PDE4D: variants seen among roughly 807,000 people sequenced by gnomAD.
The protein encoded by PDE4D is phosphodiesterase 4D, also known as 3',5'-cyclic-AMP phosphodiesterase 4D.
Under a neutral mutation model 87.4 loss-of-function variants are expected in PDE4D, and 24 were observed. The observed-to-expected ratio is 0.27, with a 90% CI of 0.20 to 0.39. The LOEUF (loss-of-function observed/expected upper bound fraction) is 0.39, where lower values mean the gene tolerates loss of function less well. Among genes scored for constraint, PDE4D ranks in the 10% least tolerant of loss-of-function variants. The probability of loss-of-function intolerance (pLI) is 1.00; values close to 1 mark genes in which losing one functional copy is unlikely to be tolerated. For missense variants in PDE4D, 714 were observed against 1,041.0 expected, an observed-to-expected ratio of 0.69 and a Z score of 4.32; for synonymous variants, 384 against 383.2, an observed-to-expected ratio of 1.00 and a Z score of -0.02.
At chr5:60,062,243 TG>T (rs1771490234) in intron 2 of PDE4D, among the ~76,000 whole-genome samples, 1 of 151,788 alleles carries the variant, frequency 6.6e-6, no homozygotes, top group Non-Finnish European at 1.5e-5. Flanking sequence ...CATTAAAAAG[TG>T]GGCAAAAACA....
chr5:59,145,989 T>C (rs1778589852), intron 5 of PDE4D, among the ~76,000 whole-genome samples: 1 of 152,038 alleles, frequency 6.6e-6, no homozygotes, highest in Admixed American at 6.6e-5. Context: ...TAGCTGGGCG[T>C]GATGACATAC....
At chr5:59,650,235 G>A (rs982461711) in intron 1 of PDE4D, among the ~76,000 whole-genome samples, 10 of 151,788 alleles carry the variant, frequency 6.6e-5, no homozygotes, top group African/African-American at 1.9e-4. Flanking sequence ...AAATTAGAGG[G>A]GTGGTTCAAT....
chr5:60,127,669 C>T (rs928823123), intron 2 of PDE4D: 8 of 594,694 alleles, frequency 1.3e-5, no homozygotes, highest in Middle Eastern at 2.6e-4. Flanking sequence ...AAAATCAGGT[C>T]GCAGTAAGCA....
At chr5:59,536,186 T>C (rs1232776040) in intron 1 of PDE4D, among the ~76,000 whole-genome samples, 3 of 152,080 alleles carry the variant, frequency 2.0e-5, no homozygotes, top group Non-Finnish European at 4.4e-5. Flanking sequence ...CAAATACACA[T>C]GAAGTTCTAT....
At position 59,988,567 on chromosome 5, in the gene PDE4D, A is replaced by G. The variant is rs1314324091; in HGVS notation, c.193T>C (p.Ser65Pro). Residue 65 changes from serine (S) to proline (P), a missense_variant, in exon 3 of 17, where the codon TCA becomes CCA. By Grantham distance (74) the Ser-to-Pro change is moderately conservative. Transcript: ENST00000502484. ...CTGGTTGGTCGTTGAATGTTCTCTG[A>G]TTCACTTTTCAAGTCAGCTTGTTCC... 5 of 1,599,446 alleles carry G rather than the reference A, an allele frequency of 3.1e-6. No homozygotes were observed. The Admixed American group carries it at 8.3e-5, about 27-fold the overall frequency.
chr5:59,380,113 T>C (rs1025762557), intron 1 of PDE4D, among the ~76,000 whole-genome samples: 5 of 152,142 alleles, frequency 3.3e-5, no homozygotes, highest in Non-Finnish European at 7.4e-5. Flanking sequence ...AAATAAAACT[T>C]TCAAATTAGT....
chr5:59,899,247 G>A (rs907592649), intron 3 of PDE4D, among the ~76,000 whole-genome samples: 5 of 152,006 alleles, frequency 3.3e-5, no homozygotes, highest in African/African-American at 7.2e-5. Context: ...AGAATAGCCC[G>A]TTGGACTCTT....
chr5:59,294,228 G>C (rs1034378632), intron 1 of PDE4D, among the ~76,000 whole-genome samples: 1 of 152,062 alleles, frequency 6.6e-6, no homozygotes. Flanking sequence ...TTAAGGGAAT[G>C]AAGAGTAAAA....
chr5:60,499,291 G>T (rs1359007640), intron 1 of PDE4D, among the ~76,000 whole-genome samples: 4 of 152,126 alleles, frequency 2.6e-5, no homozygotes, highest in African/African-American at 9.7e-5. Flanking sequence ...ACTTTCCAAG[G>T]TGCTTCTTTT....
At chr5:59,646,549 T>C (rs992114904) in intron 1 of PDE4D, among the ~76,000 whole-genome samples, 2 of 152,206 alleles carry the variant, frequency 1.3e-5, no homozygotes, top group African/African-American at 4.8e-5. Flanking sequence ...TAATTTGCCT[T>C]GTAAGTGTTG....
At chr5:59,732,943 T>C (rs976920284) in intron 1 of PDE4D, among the ~76,000 whole-genome samples, 8 of 121,894 alleles carry the variant, frequency 6.6e-5, no homozygotes, top group African/African-American at 2.4e-4. Flanking sequence ...GTCAATTCCA[T>C]GGGCCCAGTG....
At chr5:59,536,611 C>G (rs1202134394) in intron 1 of PDE4D, among the ~76,000 whole-genome samples, 1 of 151,022 alleles carries the variant, frequency 6.6e-6, no homozygotes, top group African/African-American at 2.4e-5. Context: ...GAAGTCTTAG[C>G]TCTATGCATT....
chr5:59,567,086 T>C (rs1225290924), intron 1 of PDE4D, among the ~76,000 whole-genome samples: 1 of 152,220 alleles, frequency 6.6e-6, no homozygotes, highest in African/African-American at 2.4e-5. Flanking sequence ...ATATGAACTA[T>C]TTTATGCAAG....
chr5:60,239,305 C>T (rs2149651890), intron 1 of PDE4D, among the ~76,000 whole-genome samples: 1 of 152,224 alleles, frequency 6.6e-6, no homozygotes, highest in South Asian at 2.1e-4. Context: ...TTTATTGCTG[C>T]TCCAATATCC....
intron 1 of PDE4D, among the ~76,000 whole-genome samples, chr5:59,682,312 C>A (rs765587724): frequency 6.6e-6 from 1 of 152,124 alleles, no homozygotes; most frequent in Non-Finnish European, 1.5e-5. Flanking sequence ...GTAGGCACCA[C>A]TTGAACTAAA....
At chr5:59,809,483 A>C (rs981937589) in intron 1 of PDE4D, among the ~76,000 whole-genome samples, 1 of 152,238 alleles carries the variant, frequency 6.6e-6, no homozygotes, top group Non-Finnish European at 1.5e-5. Flanking sequence ...AGACAGTACT[A>C]GAATAAATCA....
intron 2 of PDE4D, among the ~76,000 whole-genome samples, chr5:60,010,335 T>C (rs1479655064): frequency 6.6e-6 from 1 of 152,186 alleles, no homozygotes; most frequent in Non-Finnish European, 1.5e-5. Flanking sequence ...TGCAAACACT[T>C]GCAAAGCACA....
intron 3 of PDE4D, among the ~76,000 whole-genome samples, chr5:59,971,265 A>C (rs970380297): frequency 2.0e-5 from 3 of 150,726 alleles, no homozygotes; most frequent in African/African-American, 4.9e-5. Context: ...CTAGATGACG[A>C]GTTAGTGGGT....
chr5:60,433,208 TA>T (rs1250508668), intron 1 of PDE4D, among the ~76,000 whole-genome samples: 1 of 152,178 alleles, frequency 6.6e-6, no homozygotes, highest in Non-Finnish European at 1.5e-5. Context: ...ATCCAGAATC[TA>T]TAAGGAACTT....
Sources: allele counts gnomAD v4.1 joint callset (sites outside exome capture counted in the v4.1 genomes callset), GRCh38; gene constraint gnomAD v4.1.1; transcripts MANE v1.5; gene names NCBI Gene and HGNC (gene_info 2026-07-23, HGNC 2026-07-21).